The following RNF111 variants were observed in gnomAD, a reference collection of about 807,000 sequenced individuals.
RNF111 encodes E3 ubiquitin-protein ligase Arkadia.
In RNF111, 17 loss-of-function variants were observed where a neutral mutation model predicts 95.1. The ratio of observed to expected loss-of-function variants is 0.18; its 90% CI spans 0.12 to 0.27. The LOEUF (loss-of-function observed/expected upper bound fraction) is 0.27, where lower values mean the gene tolerates loss of function less well. RNF111 is among the 10% of genes least tolerant of loss of function. The probability of loss-of-function intolerance (pLI) is 1.00; values close to 1 mark genes in which losing one functional copy is unlikely to be tolerated. For missense variants in RNF111, 1,189 were observed against 1,210.4 expected (o/e 0.98, Z 0.26); for synonymous variants, 440 against 414.8 (o/e 1.06, Z -0.74).
chr15:59,076,289 C>G (rs1172078463), intron 7 of RNF111, 74 bp downstream of exon 7: 16 of 1,491,634 alleles, frequency 1.1e-5, no homozygotes, highest in Admixed American at 9.7e-5. Context: ...TATGAAATAA[C>G]CTTTAATCCC....
chr15:59,040,748 G>A (rs1334519870), intron 2 of RNF111, among the ~76,000 whole-genome samples: 2 of 152,136 alleles, frequency 1.3e-5, no homozygotes, highest in African/African-American at 4.8e-5. Flanking sequence ...AATTAATACA[G>A]TTTAAGTATT....
intron 1 of RNF111, among the ~76,000 whole-genome samples, chr15:58,999,361 G>T (rs151152591): frequency 5.9e-5 from 9 of 152,134 alleles, no homozygotes; most frequent in Admixed American, 4.6e-4. Context: ...TTTTTGAGAC[G>T]GAGTCACACT....
chr15:59,015,340 A>G (rs2040016119), intron 1 of RNF111, among the ~76,000 whole-genome samples: 1 of 152,138 alleles, frequency 6.6e-6, no homozygotes, highest in South Asian at 2.1e-4. Flanking sequence ...TTATTTTATC[A>G]TTCTTATGAA....
chr15:59,004,661 C>T (rs1163330216), intron 1 of RNF111, among the ~76,000 whole-genome samples: 3 of 152,004 alleles, frequency 2.0e-5, no homozygotes. Context: ...ATATACTGAT[C>T]CAAGGAAAGC....
intron 1 of RNF111, among the ~76,000 whole-genome samples, chr15:59,006,918 T>C (rs1383516605): frequency 6.6e-6 from 1 of 152,176 alleles, no homozygotes; most frequent in Non-Finnish European, 1.5e-5. Flanking sequence ...CCCGAGTAGC[T>C]GGGATTGCAG....
At chr15:59,056,762 T>A (rs1017802574) in intron 4 of RNF111, among the ~76,000 whole-genome samples, 14 of 152,342 alleles carry the variant, frequency 9.2e-5, no homozygotes, top group African/African-American at 3.1e-4. Context: ...GCACTGTAAA[T>A]GATCTGTAAG....
chr15:58,994,750 T>G (rs774043225), intron 1 of RNF111, among the ~76,000 whole-genome samples: 279 of 152,262 alleles, frequency 1.8e-3, no homozygotes, highest in Non-Finnish European at 3.3e-3. Flanking sequence ...AGTGCTGGGG[T>G]GAGCCTTTGC....
intron 6 of RNF111, among the ~76,000 whole-genome samples, chr15:59,069,861 T>C (rs1036107351): frequency 6.6e-6 from 1 of 151,986 alleles, no homozygotes; most frequent in Admixed American, 6.6e-5. Flanking sequence ...AGATATCTTA[T>C]GTTTGAGTGC....
chr15:59,010,171 G>A (rs562905835), intron 1 of RNF111, among the ~76,000 whole-genome samples: 11 of 152,084 alleles, frequency 7.2e-5, no homozygotes, highest in African/African-American at 2.7e-4. Context: ...ATTGTTTTAT[G>A]CTGCTAATTA....
At chr15:59,017,414 C>G (rs1454146464) in intron 1 of RNF111, among the ~76,000 whole-genome samples, 1 of 152,086 alleles carries the variant, frequency 6.6e-6, no homozygotes, top group African/African-American at 2.4e-5. Flanking sequence ...GAGCTTATTT[C>G]GAAATATGGT....
intron 1 of RNF111, among the ~76,000 whole-genome samples, chr15:58,994,956 G>A (rs116286018): frequency 0.022 from 3,408 of 152,204 alleles, 47 homozygotes; most frequent in African/African-American, 0.037. Flanking sequence ...CAGTTTTGTC[G>A]AATTGTCCTG....
At chr15:59,083,814 C>A (rs1250598762) in intron 8 of RNF111, 2 of 162,044 alleles carry the variant, frequency 1.2e-5, no homozygotes, top group African/African-American at 4.8e-5. Context: ...TATTTAATTC[C>A]TATTATTCTC....
At chr15:59,015,524 T>C (rs1039030185) in intron 1 of RNF111, among the ~76,000 whole-genome samples, 1 of 152,092 alleles carries the variant, frequency 6.6e-6, no homozygotes, top group Admixed American at 6.6e-5. Context: ...CTCTAGCCTG[T>C]TCCCTTCAGC....
chr15:59,026,938 G>A (rs1164377891), intron 1 of RNF111, among the ~76,000 whole-genome samples: 1 of 152,190 alleles, frequency 6.6e-6, no homozygotes, highest in East Asian at 1.9e-4. Context: ...CTCTACCCTT[G>A]TCTCATTGGA....
chr15:59,076,949 C>G (rs1186010559), intron 7 of RNF111, among the ~76,000 whole-genome samples: 2 of 152,176 alleles, frequency 1.3e-5, no homozygotes, highest in Admixed American at 6.5e-5. Flanking sequence ...TTTTCACTTA[C>G]ATATCTTCTT....
At chr15:59,075,417 T>C (rs1388609639) in intron 6 of RNF111, among the ~76,000 whole-genome samples, 2 of 152,218 alleles carry the variant, frequency 1.3e-5, no homozygotes, top group Non-Finnish European at 2.9e-5. Flanking sequence ...GTCTGAAAAA[T>C]CTTATGTCCA....
intron 5 of RNF111, among the ~76,000 whole-genome samples, chr15:59,060,807 A>ATTG (rs775493353): frequency 1.4e-5 from 2 of 144,244 alleles, no homozygotes; most frequent in African/African-American, 5.2e-5. Context: ...TATTATTATT[A>ATTG]TTTTTTTTTT....
At chr15:59,011,462 C>T (rs2039808487) in intron 1 of RNF111, among the ~76,000 whole-genome samples, 1 of 152,148 alleles carries the variant, frequency 6.6e-6, no homozygotes, top group Non-Finnish European at 1.5e-5. Context: ...TATTAGTTTG[C>T]TTGGGCTGCG....
chr15:58,993,369 T>A (rs111732323), intron 1 of RNF111, among the ~76,000 whole-genome samples: 3 of 133,974 alleles, frequency 2.2e-5, no homozygotes, highest in Admixed American at 7.6e-5. Context: ...ATAAAAAAAA[T>A]ATAACTGTAA....
Sources: gnomAD v4.1 joint callset for allele counts (sites outside exome capture counted in the v4.1 genomes callset) on GRCh38, gnomAD v4.1.1 for gene constraint, MANE v1.5 for transcripts, NCBI Gene and HGNC (gene_info 2026-07-23, HGNC 2026-07-21) for gene names.